Variants in MYO15A observed in about 807,000 individuals in gnomAD.
MYO15A encodes the protein unconventional myosin-XV.
In MYO15A, 308 loss-of-function variants were observed where a neutral mutation model predicts 394.6. That is an observed-to-expected ratio of 0.78 (90% CI 0.71 to 0.86). The LOEUF (loss-of-function observed/expected upper bound fraction) is 0.86, where lower values mean the gene tolerates loss of function less well. MYO15A is among the 40% of genes least tolerant of loss of function. The pLI is 0.00. For synonymous variants in MYO15A, 1,957 were observed against 2,003.8 expected, an observed-to-expected ratio of 0.98 and a Z score of 0.62; for missense variants, 4,606 against 4,799.1, an observed-to-expected ratio of 0.96 and a Z score of 1.19.
At chr17:18,136,941 C>A (rs2046290106) in intron 15 of MYO15A, among the ~76,000 whole-genome samples, 1 of 152,252 alleles carries the variant, frequency 6.6e-6, no homozygotes, top group African/African-American at 2.4e-5. Flanking sequence ...AGGGCCCTGC[C>A]CTTGGGGAGC....
chr17:18,127,834 G>T lies in MYO15A; in HGVS notation c.4032+669G>T, dbSNP rs1173774502. 7.7e-4 allele frequency among the ~76,000 whole-genome samples: 101 copies of T among 131,068 alleles called. 2 individuals are homozygous for T. Among genetic ancestry groups the T allele is most frequent in the African/African-American group, 2.5e-3 (87 of 35,326 alleles). 86.0% of individuals were successfully genotyped at this position (131,068 alleles called of 152,430 possible). On this transcript the variant is annotated intron_variant, in intron 7 of 65. Transcript: ENST00000647165. ...TGGTGGAGGTGGGAAGAAAAAAAAA[G>T]ATATATATATATATATATATATATA...
In MYO15A at chr17:18,148,230, C is replaced by T. The variant is rs1243317870; in HGVS notation, c.6691+20C>T. ...TCAATGGTAAGCTGCCTTCCCCCAC[C>T]TCAGTGAGGGCAGTGGGAGTCAGCA... is the stretch of plus-strand genomic sequence containing the variant. On this transcript the variant is annotated intron_variant, in intron 31 of 65. Transcript: ENST00000647165. This position sits in a 1 kb window ranked among gnomAD's most constrained non-coding sequence, Gnocchi z 4.8. 1 of 1,613,044 alleles carries T rather than the reference C, an allele frequency of 6.2e-7. No individual in the cohort carries two copies. The highest frequency in any genetic ancestry group is 8.5e-7 in the Non-Finnish European group (1 of 1,179,924).
Position 18,166,517 on chromosome 17 carries a change from A to G in MYO15A, c.9944A>G (p.Asn3315Ser). 2 of 1,613,002 alleles carry G rather than the reference A, an allele frequency of 1.2e-6. No homozygotes were observed. Among genetic ancestry groups the G allele is most frequent in the East Asian group, 4.5e-5 (2 of 44,882 alleles). ...ENELYVTMHY[N>S]QVLPDYLKGL... ...GAGCTATATGTGACCATGCACTACA[A>G]CCAGGTCAGCACACGTAGGCTTCTC... The change falls in exon 61 of 66, where the codon AAC becomes AGC. Residue 3315 changes from asparagine (N) to serine (S), a missense_variant. By Grantham distance (46) the Asn-to-Ser change is conservative. This residue lies in a region of MYO15A where 2,776 missense variants were observed against 3,109.3 expected (regional missense o/e 0.89). Transcript: ENST00000647165.
chr17:18,167,927 G>A (rs954635422), intron 62 of MYO15A, among the ~76,000 whole-genome samples: 3 of 152,192 alleles, frequency 2.0e-5, no homozygotes, highest in Non-Finnish European at 2.9e-5. Context: ...CCTCTCTTTC[G>A]CAAGTTGCTT....
intron 59 of MYO15A, 116 bp from the exon 60 acceptor site, chr17:18,163,626 C>T: frequency 1.1e-6 from 1 of 949,912 alleles, no homozygotes; most frequent in Non-Finnish European, 1.6e-6. Context: ...GGATTGTGCG[C>T]CTTTGTGAAG....
intron 65 of MYO15A, among the ~76,000 whole-genome samples, chr17:18,174,879 G>T (rs1302469491): frequency 6.6e-6 from 1 of 152,178 alleles, no homozygotes; most frequent in African/African-American, 2.4e-5. Context: ...GACTTCCACT[G>T]TCCTAGCTCT....
intron 65 of MYO15A, among the ~76,000 whole-genome samples, chr17:18,178,527 G>A (rs1415787730): frequency 6.6e-6 from 1 of 152,052 alleles, no homozygotes; most frequent in Non-Finnish European, 1.5e-5. Context: ...CAGCTCACAC[G>A]GAGCAAAGCC....
At chr17:18,154,801 G>A in intron 45 of MYO15A, 46 bp downstream of exon 45, 1 of 1,591,532 alleles carries the variant, frequency 6.3e-7, no homozygotes, top group Non-Finnish European at 8.6e-7. Flanking sequence ...ACCAGTCAGA[G>A]GCACAGCCAG....
Position 18,119,310 on chromosome 17 carries a change from C to T in MYO15A, c.510C>T (p.Arg170=). The T allele has an allele frequency of 6.2e-7, 1 of 1,611,060 alleles. No homozygotes were observed. The highest frequency in any genetic ancestry group is 8.5e-7 in the Non-Finnish European group (1 of 1,179,694). Residue 170 remains arginine, a synonymous_variant, in exon 2 of 66, where the codon CGC becomes CGT. Transcript: ENST00000647165. ...GCTCGAGCTCCCGCATGGGCTCCCGCAAACTCCCCTTCCCGTCGGGTGCCG... is the reference window on the plus strand; with the variant it reads ...GCTCGAGCTCCCGCATGGGCTCCCGTAAACTCCCCTTCCCGTCGGGTGCCG... ...LQRSSSRMGS[R]KLPFPSGAEI... is the part of the protein sequence containing the mutation.
Position 18,132,500 on chromosome 17 carries a change from GT to G in MYO15A, c.4256del (p.Leu1419CysfsTer20), listed in dbSNP as rs1260447578. 1.9e-6 allele frequency: 3 copies of G among 1,613,826 alleles called. No individual in the cohort carries two copies. The Admixed American group carries it at 5.0e-5, about 27-fold the overall frequency. ...ACATCTTCTACGAGTTGCTGGCCGG[GT>G]TGCCTGCCCAGCTCAGGCAGGCCTT... ...YHIFYELLAG[L>X]PAQLRQAFSL... On this transcript the variant is annotated frameshift_variant, in exon 11 of 66. Coordinates refer to ENST00000647165, the MANE Select transcript of MYO15A (RefSeq NM_016239.4). LOFTEE classifies it high-confidence loss of function. The surrounding 1 kb of genome is among the most constrained non-coding windows in gnomAD (Gnocchi z 4.6).
intron 20 of MYO15A, 33 bp downstream of exon 20, chr17:18,140,698 G>A (rs2046363160): frequency 6.2e-7 from 1 of 1,614,016 alleles, no homozygotes; most frequent in Non-Finnish European, 8.5e-7. Context: ...GGAGCACCCA[G>A]CCTCATCCTT....
At chr17:18,160,844 C>G (rs1379256782) in intron 56 of MYO15A, 1 of 341,358 alleles carries the variant, frequency 2.9e-6, no homozygotes, top group Non-Finnish European at 5.8e-6. Flanking sequence ...TGTGCATGCT[C>G]TTGTTACCAT....
At chr17:18,171,101 G>A (rs986236101) in intron 62 of MYO15A, among the ~76,000 whole-genome samples, 1 of 152,204 alleles carries the variant, frequency 6.6e-6, no homozygotes, top group Non-Finnish European at 1.5e-5. Flanking sequence ...GTCCAAAGAG[G>A]TAAAGGGGCT....
chr17:18,176,534 T>TA (rs1271357029), intron 65 of MYO15A: 7 of 146,114 alleles, frequency 4.8e-5, no homozygotes, highest in Admixed American at 4.2e-4. Flanking sequence ...TTCTTTTTTT[T>TA]ACTTTTCTTT....
chr17:18,117,923 C>CA lies in MYO15A; in HGVS notation c.-219-658dup, dbSNP rs1481910167. On this transcript the variant is annotated intron_variant, in intron 1 of 65. Transcript: ENST00000647165. This position sits in a 1 kb window ranked among gnomAD's most constrained non-coding sequence, Gnocchi z 4.1. ...GTGAAGGAGATGGGGCATAGCTTAT[C>CA]ACTCCCATTCTTCAGAGGAAACTGA... is the stretch of plus-strand genomic sequence containing the variant. Among the ~76,000 whole-genome samples, 6 of 152,150 alleles carry CA rather than the reference C, an allele frequency of 3.9e-5. No homozygotes were observed. Among genetic ancestry groups the CA allele is most frequent in the Non-Finnish European group, 8.8e-5 (6 of 68,032 alleles).
intron 60 of MYO15A, among the ~76,000 whole-genome samples, chr17:18,165,407 G>A (rs1310133357): frequency 6.6e-6 from 1 of 152,176 alleles, no homozygotes; most frequent in Non-Finnish European, 1.5e-5. Context: ...GAGGCTGCCC[G>A]CATTCCTTGG....
chr17:18,119,594 G>A lies in MYO15A; in HGVS notation c.794G>A (p.Gly265Asp). 1 of 1,604,092 alleles carries A rather than the reference G, an allele frequency of 6.2e-7. No homozygotes were observed. Among genetic ancestry groups the A allele is most frequent in the Non-Finnish European group, 8.5e-7 (1 of 1,179,914 alleles). Residue 265 changes from glycine (G) to aspartate (D), a missense_variant, in exon 2 of 66, where the codon GGC becomes GAC. Transcript: ENST00000647165. ...EEQEPYLAGLGPYSPAWPPYG... is the reference protein window; with the variant it reads ...EEQEPYLAGLDPYSPAWPPYG... ...CAGGAACCCTACCTGGCGGGCCTCG[G>A]CCCCTACAGCCCGGCCTGGCCACCC... is the stretch of plus-strand genomic sequence containing the variant.
intron 53 of MYO15A, 67 bp downstream of exon 53, chr17:18,159,064 C>T (rs1342157718): frequency 8.4e-6 from 13 of 1,540,228 alleles, no homozygotes; most frequent in Non-Finnish European, 1.1e-5. Flanking sequence ...CTCCCAGGCC[C>T]CTGGGGCCAA....
intron 52 of MYO15A, 81 bp from the exon 53 acceptor site, chr17:18,158,844 C>G: frequency 6.6e-7 from 1 of 1,525,858 alleles, no homozygotes; most frequent in East Asian, 2.2e-5. Context: ...AACCCCCTCC[C>G]TGGGGGTTCT....
Sources: gnomAD v4.1 joint callset for allele counts (sites outside exome capture counted in the v4.1 genomes callset) on GRCh38, gnomAD v4.1.1 for gene constraint, gnomAD v4.1.1 regional missense constraint, Gnocchi (gnomAD v3.1) non-coding constraint, MANE v1.5 for transcripts, NCBI Gene and HGNC (gene_info 2026-07-23, HGNC 2026-07-21) for gene names.